BANK1: variants seen among roughly 807,000 people sequenced by gnomAD.
BANK1 encodes B cell scaffold protein with ankyrin repeats 1.
BANK1 carries 95 observed loss-of-function variants against 94.5 expected under a neutral mutation model. The ratio of observed to expected loss-of-function variants is 1.00; its 90% CI spans 0.85 to 1.19. The LOEUF (loss-of-function observed/expected upper bound fraction) is 1.19, where lower values mean the gene tolerates loss of function less well. Ranked by LOEUF, BANK1 falls within the 50% of genes most tolerant of loss-of-function variation. The pLI, the probability that BANK1 is intolerant of heterozygous loss-of-function variation, is 0.00. For missense variants in BANK1, 987 were observed against 932.2 expected (o/e 1.06, Z -0.77); for synonymous variants, 334 against 308.4 (o/e 1.08, Z -0.87).
At chr4:102,016,901 T>C (rs1726721509) in intron 7 of BANK1, among the ~76,000 whole-genome samples, 1 of 152,052 alleles carries the variant, frequency 6.6e-6, no homozygotes, top group South Asian at 2.1e-4. Flanking sequence ...ATGACTCTTA[T>C]CCACTGTGGA....
chr4:101,949,621 T>C (rs1467506886), intron 7 of BANK1, among the ~76,000 whole-genome samples: 1 of 152,124 alleles, frequency 6.6e-6, no homozygotes, highest in Non-Finnish European at 1.5e-5. Context: ...TATGTTAAAC[T>C]CTGAAATAAT....
chr4:101,986,100 G>T (rs1252861245), intron 7 of BANK1, among the ~76,000 whole-genome samples: 1 of 152,080 alleles, frequency 6.6e-6, no homozygotes, highest in Non-Finnish European at 1.5e-5. Context: ...CTCTCTTACT[G>T]ATCCATAAAC....
intron 7 of BANK1, among the ~76,000 whole-genome samples, chr4:101,974,935 C>A (rs1336770173): frequency 1.3e-5 from 2 of 152,036 alleles, no homozygotes; most frequent in Non-Finnish European, 2.9e-5. Context: ...CCAGCCTGAG[C>A]AACAAGAGTG....
intron 2 of BANK1, among the ~76,000 whole-genome samples, chr4:101,844,390 G>A (rs974549081): frequency 3.3e-5 from 5 of 152,212 alleles, no homozygotes; most frequent in Non-Finnish European, 7.3e-5. Flanking sequence ...TCAGGAACTG[G>A]TGAGAAGATT....
Position 101,895,293 on chromosome 4 carries a change from AC to A in BANK1, c.904-11del. Reference sequence around the variant, plus strand: ...TAACCTAGTGAAAATTTTCTTTTTCACTTGAAAACAGAATAGCATTGAAGAA... The same window carrying A: ...TAACCTAGTGAAAATTTTCTTTTTCATTGAAAACAGAATAGCATTGAAGAA... On this transcript the variant is annotated splice_polypyrimidine_tract_variant and intron_variant, in intron 5 of 16. Transcript: ENST00000322953. 6.7e-7 allele frequency: 1 copy of A among 1,493,176 alleles called. No homozygotes were observed. Among genetic ancestry groups the A allele is most frequent in the Non-Finnish European group, 9.0e-7 (1 of 1,109,512 alleles). 92.5% of individuals were successfully genotyped at this position (1,493,176 alleles called of 1,614,324 possible).
chr4:101,887,021 A>AATGGC (rs1287409418), intron 5 of BANK1, among the ~76,000 whole-genome samples: 1 of 152,184 alleles, frequency 6.6e-6, no homozygotes, highest in Admixed American at 6.5e-5. Context: ...AGTGTTGCCC[A>AATGGC]ATGGCATGGC....
At chr4:102,064,638 C>T (rs944512758) in intron 13 of BANK1, among the ~76,000 whole-genome samples, 2 of 152,134 alleles carry the variant, frequency 1.3e-5, no homozygotes, top group African/African-American at 2.4e-5. Context: ...TCCTTTCAGC[C>T]GCACTGGAAT....
chr4:101,794,983 A>G (rs1214739970), intron 1 of BANK1, among the ~76,000 whole-genome samples: 1 of 152,016 alleles, frequency 6.6e-6, no homozygotes, highest in East Asian at 1.9e-4. Flanking sequence ...TTGTTTTCAC[A>G]TGTGTTCTAC....
intron 5 of BANK1, among the ~76,000 whole-genome samples, chr4:101,872,169 C>A (rs1467759602): frequency 1.3e-5 from 2 of 151,956 alleles, no homozygotes; most frequent in African/African-American, 4.8e-5. Flanking sequence ...CAGGAGAGAG[C>A]CATTTTAAGT....
chr4:102,043,675 G>T (rs559768694), intron 10 of BANK1, among the ~76,000 whole-genome samples, 164 bp from the exon 11 acceptor site: 1 of 152,120 alleles, frequency 6.6e-6, no homozygotes, highest in East Asian at 1.9e-4. Flanking sequence ...CTGCACAAAT[G>T]AGAAAATTGT....
Position 101,830,025 on chromosome 4 carries a change from G to T in BANK1, c.288G>T (p.Lys96Asn), listed in dbSNP as rs1280482723. 1 of 1,613,404 alleles carries T rather than the reference G, an allele frequency of 6.2e-7. No homozygotes were observed. Among genetic ancestry groups the T allele is most frequent in the African/African-American group, 1.3e-5 (1 of 74,886 alleles). Reference sequence around the variant, plus strand: ...GCCTGCTTAGAGACCTAACTCCAAAGAAATGTCAGTTTCTGGAAAAGATAC... The same window carrying T: ...GCCTGCTTAGAGACCTAACTCCAAATAAATGTCAGTTTCTGGAAAAGATAC... ...SNSLLRDLTP[K>N]KCQFLEKILH... Residue 96 changes from lysine (K) to asparagine (N), a missense_variant, in exon 2 of 17, where the codon AAG (lysine) becomes AAT (asparagine). Lys to Asn is a moderately conservative substitution (Grantham distance 94). Transcript: ENST00000322953.
chr4:101,820,441 C>T lies in BANK1; in HGVS notation c.71-9367C>T, dbSNP rs560511227. On this transcript the variant is annotated intron_variant, in intron 1 of 16. Transcript: ENST00000322953. ...GTTGACATTACTTGTAAGGCAATTG[C>T]CTCAAGTGAAGTTTTTAAAAATGTT... Among the ~76,000 whole-genome samples, 45 of 152,036 alleles carry T rather than the reference C, an allele frequency of 3.0e-4. 1 individual carries two copies. Among genetic ancestry groups the T allele is most frequent in the Non-Finnish European group, 5.7e-4 (39 of 67,996 alleles).
intron 10 of BANK1, among the ~76,000 whole-genome samples, chr4:102,030,706 C>T (rs564019150): frequency 2.4e-4 from 36 of 151,372 alleles, no homozygotes; most frequent in African/African-American, 8.2e-4. Flanking sequence ...TTTCTGTTCT[C>T]GTGATAGTTT....
intron 6 of BANK1, among the ~76,000 whole-genome samples, chr4:101,899,116 CT>C (rs2148892494): frequency 6.6e-6 from 1 of 151,708 alleles, no homozygotes; most frequent in East Asian, 1.9e-4. Context: ...TTTAAACCCC[CT>C]GAGAAGAAAA....
chr4:102,029,634 C>A (rs1727219908), intron 9 of BANK1, among the ~76,000 whole-genome samples: 1 of 149,278 alleles, frequency 6.7e-6, no homozygotes, highest in Non-Finnish European at 1.5e-5. Context: ...TGCTCTCTCT[C>A]TACACAAAAT....
At chr4:101,821,066 AAC>A (rs1301434417) in intron 1 of BANK1, among the ~76,000 whole-genome samples, 2 of 152,232 alleles carry the variant, frequency 1.3e-5, no homozygotes, top group African/African-American at 4.8e-5. Flanking sequence ...CATTCCCACC[AAC>A]ACTGTATAAG....
In BANK1 at chr4:101,918,155, A is replaced by C; in HGVS notation, c.1172A>C (p.His391Pro). 3.8e-6 allele frequency: 6 copies of C among 1,588,858 alleles called. No homozygotes were observed. Among genetic ancestry groups the C allele is most frequent in the Non-Finnish European group, 5.1e-6 (6 of 1,166,918 alleles). Residue 391 changes from histidine (H) to proline (P), a missense_variant, in exon 7 of 17, where the codon CAC (histidine) becomes CCC (proline). Physicochemically the swap from His to Pro is moderately conservative, Grantham distance 77. Transcript: ENST00000322953. ...GCACATATTGCTGAAAGGCATGGTCACAAAGAACTCAAGAAAATCTTCGAA... is the reference window on the plus strand; with the variant it reads ...GCACATATTGCTGAAAGGCATGGTCCCAAAGAACTCAAGAAAATCTTCGAA... The part of the protein sequence containing the change: ...DPAHIAERHG[H>P]KELKKIFEDF...
At chr4:101,865,479 G>A (rs916116949) in intron 4 of BANK1, among the ~76,000 whole-genome samples, 6 of 152,050 alleles carry the variant, frequency 3.9e-5, no homozygotes, top group Non-Finnish European at 8.8e-5. Flanking sequence ...GTCAGAGGAA[G>A]GATAATCGTG....
rs200127706 is a variant in BANK1, at chr4:101,855,099, A to G, written c.534A>G (p.Ile178Met). The part of the protein sequence containing the change: ...TDLRAKHSGE[I>M]SERKEIEELS... ...TACGAGCAAAACATTCTGGGGAAAT[A>G]AGTGAGAGAAAGGAAATTGAAGAAC... The change falls in exon 3 of 17, where the codon ATA becomes ATG. Residue 178 changes from isoleucine (I) to methionine (M), a missense_variant. Coordinates refer to ENST00000322953, the MANE Select transcript of BANK1 (RefSeq NM_017935.5). The G allele has an allele frequency of 2.0e-5, 33 of 1,613,354 alleles. No homozygotes were observed. The highest frequency in any genetic ancestry group is 3.4e-6 in the Non-Finnish European group (4 of 1,179,462).
Sources: allele counts gnomAD v4.1 joint callset (sites outside exome capture counted in the v4.1 genomes callset), GRCh38; gene constraint gnomAD v4.1.1; transcripts MANE v1.5; gene names NCBI Gene and HGNC (gene_info 2026-07-23, HGNC 2026-07-21).